Variants in AGBL1 observed in about 807,000 individuals in gnomAD.
The protein encoded by AGBL1 is cytosolic carboxypeptidase 4.
In AGBL1, 130 loss-of-function variants were observed where a neutral mutation model predicts 118.9. The observed-to-expected ratio is 1.09, with a 90% CI of 0.95 to 1.26. The LOEUF (loss-of-function observed/expected upper bound fraction) is 1.26. Among genes scored for constraint, AGBL1 ranks in the 50% most tolerant of loss-of-function variants. The pLI is 0.00. For missense variants in AGBL1, 1,584 were observed against 1,298.1 expected, an observed-to-expected ratio of 1.22 and a Z score of -3.38; for synonymous variants, 555 against 478.9, an observed-to-expected ratio of 1.16 and a Z score of -2.08.
chr15:86,221,428 T>C (rs891536256), intron 5 of AGBL1, among the ~76,000 whole-genome samples: 4 of 152,212 alleles, frequency 2.6e-5, no homozygotes, highest in African/African-American at 9.6e-5. Context: ...AAGCTTTTGC[T>C]TTTTGTGGGC....
chr15:86,527,559 G>A (rs887880910), intron 19 of AGBL1, among the ~76,000 whole-genome samples: 3 of 152,086 alleles, frequency 2.0e-5, no homozygotes, highest in Admixed American at 6.6e-5. Flanking sequence ...CAGCAGAAGC[G>A]CTGCCACTCA....
At chr15:86,995,318 C>T in intron 24 of AGBL1, among the ~76,000 whole-genome samples, 1 of 152,090 alleles carries the variant, frequency 6.6e-6, no homozygotes, top group Non-Finnish European at 1.5e-5. Context: ...CCCGGGAGGT[C>T]AAGGCTGTAG....
intron 24 of AGBL1, among the ~76,000 whole-genome samples, chr15:87,008,034 G>A (rs2081521973): frequency 6.6e-6 from 1 of 152,202 alleles, no homozygotes. Flanking sequence ...AGGAGGGAAG[G>A]TGTGATGGTT....
At chr15:86,186,851 GAA>G (rs1401795694) in intron 5 of AGBL1, among the ~76,000 whole-genome samples, 1 of 152,178 alleles carries the variant, frequency 6.6e-6, no homozygotes, top group Non-Finnish European at 1.5e-5. Context: ...GAGCCTGAGA[GAA>G]ATTTGGTAAC....
chr15:86,858,425 T>A (rs940398568), intron 22 of AGBL1, among the ~76,000 whole-genome samples: 31 of 151,962 alleles, frequency 2.0e-4, no homozygotes, highest in African/African-American at 7.3e-4. Flanking sequence ...GGAGACAGTT[T>A]CTGACTTCAA....
At chr15:86,489,130 A>G (rs1212248429) in intron 18 of AGBL1, among the ~76,000 whole-genome samples, 1 of 152,148 alleles carries the variant, frequency 6.6e-6, no homozygotes, top group African/African-American at 2.4e-5. Context: ...TATATCTGCA[A>G]GAGTCTAAAC....
intron 1 of AGBL1, among the ~76,000 whole-genome samples, chr15:86,134,029 A>G (rs981075967): frequency 1.3e-5 from 2 of 152,160 alleles, no homozygotes; most frequent in Non-Finnish European, 2.9e-5. Context: ...CTTTCTTATG[A>G]ACTCATTTCA....
chr15:86,570,832 C>T (rs1321150670), intron 21 of AGBL1, among the ~76,000 whole-genome samples: 1 of 152,078 alleles, frequency 6.6e-6, no homozygotes, highest in African/African-American at 2.4e-5. Flanking sequence ...TTGCTTGGGC[C>T]CTCTGGGCTT....
At chr15:86,448,765 G>C (rs1164492422) in intron 18 of AGBL1, among the ~76,000 whole-genome samples, 1 of 152,162 alleles carries the variant, frequency 6.6e-6, no homozygotes, top group Admixed American at 6.5e-5. Flanking sequence ...GGAGGATAAA[G>C]GGAGAGGAGG....
chr15:86,760,301 G>A (rs758949237), intron 22 of AGBL1, among the ~76,000 whole-genome samples: 1 of 151,974 alleles, frequency 6.6e-6, no homozygotes, highest in African/African-American at 2.4e-5. Context: ...CCATAAATCA[G>A]CCTTGGGGAG....
intron 18 of AGBL1, among the ~76,000 whole-genome samples, chr15:86,450,548 A>G (rs953808922): frequency 6.6e-6 from 1 of 152,182 alleles, no homozygotes; most frequent in Non-Finnish European, 1.5e-5. Flanking sequence ...AACAGTATTC[A>G]TTCTGTTTAT....
intron 22 of AGBL1, among the ~76,000 whole-genome samples, chr15:86,779,833 A>G (rs2078307233): frequency 6.6e-6 from 1 of 151,854 alleles, no homozygotes; most frequent in Non-Finnish European, 1.5e-5. Flanking sequence ...TTTTGTGAAG[A>G]GCCTATTCAA....
chr15:86,637,755 A>T (rs915798482), intron 21 of AGBL1, among the ~76,000 whole-genome samples: 1 of 152,140 alleles, frequency 6.6e-6, no homozygotes, highest in African/African-American at 2.4e-5. Context: ...TTATGGATTA[A>T]ACAGGGAGAA....
At chr15:86,784,146 T>A (rs1342891321) in intron 22 of AGBL1, among the ~76,000 whole-genome samples, 2 of 152,216 alleles carry the variant, frequency 1.3e-5, no homozygotes, top group Non-Finnish European at 2.9e-5. Context: ...GTGTTGTTAA[T>A]TTTAAATGAG....
rs1227209331 is a variant in AGBL1 at position 86,615,167 on chromosome 15, A to T, written c.2995-59106A>T. Reference sequence around the variant, plus strand: ...CTGAAGAAATCTAAAAATGAGAGTAATTCTAGCAGATTTGCCTTCCAGATG... The same window carrying T: ...CTGAAGAAATCTAAAAATGAGAGTATTTCTAGCAGATTTGCCTTCCAGATG... On this transcript the variant is annotated intron_variant, in intron 21 of 22. Transcript: ENST00000614907. The surrounding 1 kb of genome is among the most constrained non-coding windows in gnomAD (Gnocchi z 4.3). Among the ~76,000 whole-genome samples, 2 of 152,216 alleles carry T rather than the reference A, an allele frequency of 1.3e-5. No individual in the cohort carries two copies. Among genetic ancestry groups the T allele is most frequent in the Non-Finnish European group, 2.9e-5 (2 of 68,040 alleles).
chr15:86,106,547 G>A (rs1567058015), intron 1 of AGBL1, among the ~76,000 whole-genome samples: 3 of 152,200 alleles, frequency 2.0e-5, no homozygotes, highest in Admixed American at 6.5e-5. Flanking sequence ...TCATAATGGC[G>A]AGGGATGCTA....
intron 24 of AGBL1, among the ~76,000 whole-genome samples, chr15:87,028,358 T>C (rs2081754622): frequency 6.6e-6 from 1 of 151,994 alleles, no homozygotes; most frequent in Non-Finnish European, 1.5e-5. Context: ...CCATATAGAC[T>C]CAAACGTGGT....
At chr15:86,638,302 A>G (rs1364380470) in intron 21 of AGBL1, among the ~76,000 whole-genome samples, 1 of 152,106 alleles carries the variant, frequency 6.6e-6, no homozygotes, top group African/African-American at 2.4e-5. Context: ...GCCTTTTGAA[A>G]TTTTCTATGA....
chr15:86,684,163 C>T (rs1031484133), intron 22 of AGBL1, among the ~76,000 whole-genome samples: 3 of 152,042 alleles, frequency 2.0e-5, no homozygotes, highest in Admixed American at 6.6e-5. Context: ...ACTAACAGAT[C>T]GTTATGGGGA....
Sources: gnomAD v4.1 joint callset for allele counts (sites outside exome capture counted in the v4.1 genomes callset) on GRCh38, gnomAD v4.1.1 for gene constraint, Gnocchi (gnomAD v3.1) non-coding constraint, MANE v1.5 for transcripts, NCBI Gene and HGNC (gene_info 2026-07-23, HGNC 2026-07-21) for gene names.